The following GPATCH2 variants were observed in gnomAD, a reference collection of about 807,000 sequenced individuals.
GPATCH2 encodes the protein G patch domain-containing protein 2.
A neutral mutation model predicts 58.0 loss-of-function variants in GPATCH2; 51 were observed. That is an observed-to-expected ratio of 0.88 (90% confidence interval 0.70 to 1.11). The LOEUF (loss-of-function observed/expected upper bound fraction) is 1.11. GPATCH2 is among the 50% of genes most tolerant of loss of function. The probability of loss-of-function intolerance (pLI) is 0.00; values close to 1 mark genes in which losing one functional copy is unlikely to be tolerated. For synonymous variants in GPATCH2, 222 were observed against 218.5 expected (o/e 1.02, Z -0.14); for missense variants, 625 against 652.2 (o/e 0.96, Z 0.45).
chr1:217,512,636 G>C (rs1301078744), intron 6 of GPATCH2, among the ~76,000 whole-genome samples: 1 of 152,198 alleles, frequency 6.6e-6, no homozygotes, highest in Non-Finnish European at 1.5e-5. Flanking sequence ...GAAGAACATG[G>C]AGGCCAGCAG....
At chr1:217,549,849 A>G (rs1665261765) in intron 5 of GPATCH2, among the ~76,000 whole-genome samples, 1 of 152,182 alleles carries the variant, frequency 6.6e-6, no homozygotes, top group South Asian at 2.1e-4. Flanking sequence ...AAGACTAAAA[A>G]TTTTCAGTGA....
In GPATCH2 at chr1:217,427,632, T is replaced by G. The variant is rs769900161; in HGVS notation, c.*3513A>C. 3 of 152,180 alleles carry G rather than the reference T, an allele frequency of 2.0e-5. No homozygotes were observed. Among genetic ancestry groups the G allele is most frequent in the Non-Finnish European group, 2.9e-5 (2 of 68,008 alleles). 9.4% of individuals were successfully genotyped at this position (152,180 alleles called of 1,614,324 possible). ...AAAAAAATATTCTTTGCTAACAATT[T>G]CTTTACAATGCCAACTTAGATCACT... On this transcript the variant is annotated 3_prime_UTR_variant, in exon 10 of 10. Transcript: ENST00000366935.
At chr1:217,532,482 G>T (rs1664240819) in intron 5 of GPATCH2, among the ~76,000 whole-genome samples, 2 of 152,276 alleles carry the variant, frequency 1.3e-5, no homozygotes, top group South Asian at 4.1e-4. Flanking sequence ...GCAAGGAAGA[G>T]GAGATGTATT....
intron 9 of GPATCH2, among the ~76,000 whole-genome samples, chr1:217,436,848 A>G (rs1170215603): frequency 1.3e-5 from 2 of 152,206 alleles, no homozygotes. Flanking sequence ...AACTTAGGAC[A>G]TTTGATCCCA....
At chr1:217,445,841 AT>A (rs1659365077) in intron 9 of GPATCH2, among the ~76,000 whole-genome samples, 1 of 152,142 alleles carries the variant, frequency 6.6e-6, no homozygotes, top group African/African-American at 2.4e-5. Context: ...CTTCAAAGCT[AT>A]TGCTAAAAGA....
At chr1:217,484,577 T>TGA (rs1661365697) in intron 8 of GPATCH2, among the ~76,000 whole-genome samples, 1 of 145,644 alleles carries the variant, frequency 6.9e-6, no homozygotes, top group African/African-American at 2.5e-5. Flanking sequence ...TATATATATA[T>TGA]GATGCACATA....
intron 1 of GPATCH2, 31 bp downstream of exon 1, chr1:217,630,885 A>C: frequency 2.7e-6 from 4 of 1,508,150 alleles, no homozygotes; most frequent in Non-Finnish European, 3.6e-6. Context: ...CCCTTCCCTG[A>C]CCTCCCCCTC....
intron 8 of GPATCH2, among the ~76,000 whole-genome samples, chr1:217,472,908 C>T (rs1660794361): frequency 6.6e-6 from 1 of 152,090 alleles, no homozygotes; most frequent in East Asian, 1.9e-4. Context: ...TCCTAGTCCC[C>T]CCTAGAAACA....
At chr1:217,463,641 CAAAAAAAAAA>C (rs201402598) in intron 8 of GPATCH2, among the ~76,000 whole-genome samples, 1 of 82,472 alleles carries the variant, frequency 1.2e-5, no homozygotes. Flanking sequence ...CTTATCACTC[CAAAAAAAAAA>C]AAAAAAAAAA....
intron 2 of GPATCH2, among the ~76,000 whole-genome samples, chr1:217,618,753 G>GTCAA (rs1558530661): frequency 1.3e-5 from 2 of 151,780 alleles, no homozygotes; most frequent in African/African-American, 2.4e-5. Context: ...TGAGGTCAGG[G>GTCAA]GTTGAAGACC....
At chr1:217,545,447 C>T (rs12408022) in intron 5 of GPATCH2, among the ~76,000 whole-genome samples, 34,609 of 151,970 alleles carry the variant, frequency 0.23, 4,875 homozygotes, top group East Asian at 0.42. Context: ...CTAGAGTCTG[C>T]GGGCATAAAG....
chr1:217,597,949 G>C (rs1667925307), intron 5 of GPATCH2, among the ~76,000 whole-genome samples: 1 of 151,980 alleles, frequency 6.6e-6, no homozygotes, highest in African/African-American at 2.4e-5. Flanking sequence ...CTGTCAACTG[G>C]GACTGTATAT....
Position 217,433,152 on chromosome 1 carries a change from C to CA in GPATCH2, c.1367-1788dup, listed in dbSNP as rs534754649. ...TATTACGGCACCTTCTCCCCAACTA[C>CA]AAAAAAAAGTTGGAACTCTCTGTCC... On this transcript the variant is annotated intron_variant, in intron 9 of 9. Transcript: ENST00000366935. 3.6e-3 allele frequency among the ~76,000 whole-genome samples: 548 copies of CA among 151,424 alleles called. 5 individuals are homozygous for CA. Among genetic ancestry groups the CA allele is most frequent in the African/African-American group, 0.013 (517 of 41,300 alleles).
At chr1:217,461,344 T>C (rs17046503) in intron 8 of GPATCH2, among the ~76,000 whole-genome samples, 16,230 of 152,196 alleles carry the variant, frequency 0.11, 1,475 homozygotes, top group African/African-American at 0.25. Flanking sequence ...CTGATACCCA[T>C]TGCCAGAAAT....
intron 5 of GPATCH2, among the ~76,000 whole-genome samples, chr1:217,518,539 A>G (rs1267808824): frequency 6.6e-6 from 1 of 152,194 alleles, no homozygotes; most frequent in Non-Finnish European, 1.5e-5. Flanking sequence ...AATGCATGCC[A>G]TACTATTCTT....
At chr1:217,623,561 G>GT (rs1269125434) in intron 1 of GPATCH2, among the ~76,000 whole-genome samples, 2 of 151,990 alleles carry the variant, frequency 1.3e-5, no homozygotes, top group African/African-American at 4.8e-5. Flanking sequence ...CATGAAAACT[G>GT]TGTCAGCCTT....
chr1:217,562,390 T>A (rs1242570243), intron 5 of GPATCH2, among the ~76,000 whole-genome samples: 1 of 152,168 alleles, frequency 6.6e-6, no homozygotes, highest in Non-Finnish European at 1.5e-5. Context: ...ATTCCTATCC[T>A]CTTACCCATG....
intron 5 of GPATCH2, among the ~76,000 whole-genome samples, chr1:217,535,408 GGCGTGAGCCCAGCTCACT>G (rs1408592401): frequency 6.6e-6 from 1 of 152,042 alleles, no homozygotes; most frequent in Non-Finnish European, 1.5e-5. Flanking sequence ...GGAGGGCAGT[GGCGTGAGCCCAGCTCACT>G]GCAAGTTCCG....
intron 9 of GPATCH2, among the ~76,000 whole-genome samples, chr1:217,446,478 T>C (rs537519741): frequency 6.6e-6 from 1 of 152,230 alleles, no homozygotes; most frequent in Admixed American, 6.5e-5. Flanking sequence ...AATCTTCACC[T>C]TAGAGTTGAT....
Sources: allele counts gnomAD v4.1 joint callset (sites outside exome capture counted in the v4.1 genomes callset), GRCh38; gene constraint gnomAD v4.1.1; transcripts MANE v1.5; gene names NCBI Gene and HGNC (gene_info 2026-07-23, HGNC 2026-07-21).